Variants in CNTNAP2 observed in about 807,000 individuals in gnomAD.
The protein encoded by CNTNAP2 is contactin associated protein 2, also known as contactin-associated protein-like 2.
In CNTNAP2, 98 loss-of-function variants were observed where a neutral mutation model predicts 155.2. The observed-to-expected ratio is 0.63, with a 90% CI of 0.54 to 0.75. The LOEUF is 0.75. Among genes scored for constraint, CNTNAP2 ranks in the 30% least tolerant of loss-of-function variants. CNTNAP2 has a pLI of 0.00. For missense variants in CNTNAP2, 1,727 were observed against 1,688.1 expected (o/e 1.02, Z -0.40); for synonymous variants, 651 against 631.2 (o/e 1.03, Z -0.47).
At chr7:147,792,867 T>G (rs1420554488) in intron 13 of CNTNAP2, among the ~76,000 whole-genome samples, 1 of 152,176 alleles carries the variant, frequency 6.6e-6, no homozygotes, top group Non-Finnish European at 1.5e-5. Context: ...ACATATGTTA[T>G]TGTCCATCTT....
chr7:147,061,787 A>G (rs1799680046), intron 4 of CNTNAP2, among the ~76,000 whole-genome samples: 1 of 152,200 alleles, frequency 6.6e-6, no homozygotes, highest in African/African-American at 2.4e-5. Flanking sequence ...ACAAAAAAAC[A>G]CTAGCTGAAT....
chr7:147,318,242 GA>G (rs1480213982), intron 9 of CNTNAP2, among the ~76,000 whole-genome samples: 6 of 152,228 alleles, frequency 3.9e-5, no homozygotes, highest in African/African-American at 1.4e-4. Context: ...AGGAGTTCAT[GA>G]CCAGCCTGAG....
At chr7:146,863,207 A>G (rs951657436) in intron 3 of CNTNAP2, among the ~76,000 whole-genome samples, 5 of 152,316 alleles carry the variant, frequency 3.3e-5, no homozygotes, top group East Asian at 1.9e-4. Context: ...GTATCTCCCA[A>G]TAGTAGGCAT....
intron 12 of CNTNAP2, among the ~76,000 whole-genome samples, chr7:147,590,040 G>A (rs1312626073): frequency 6.6e-6 from 1 of 152,072 alleles, no homozygotes; most frequent in Admixed American, 6.5e-5. Flanking sequence ...GGTAAAAGTA[G>A]CCACAGGTAA....
chr7:147,198,646 A>G (rs1460674333), intron 8 of CNTNAP2, among the ~76,000 whole-genome samples: 1 of 152,146 alleles, frequency 6.6e-6, no homozygotes, highest in Non-Finnish European at 1.5e-5. Context: ...AACGAACTTT[A>G]AATTTACTTT....
At chr7:148,027,933 A>C (rs371438785) in intron 15 of CNTNAP2, among the ~76,000 whole-genome samples, 45 of 152,184 alleles carry the variant, frequency 3.0e-4, no homozygotes, top group African/African-American at 9.9e-4. Context: ...TAATTACAGA[A>C]GTCACCTTCC....
chr7:148,330,860 ATGGACGGATGGAGTGGC>A, intron 21 of CNTNAP2, among the ~76,000 whole-genome samples: 1 of 133,500 alleles, frequency 7.5e-6, no homozygotes, highest in Non-Finnish European at 1.6e-5. Flanking sequence ...GATGGAATGG[ATGGACGGATGGAGTGGC>A]TGGATGGAAT....
chr7:147,109,203 T>C (rs1800826340), intron 5 of CNTNAP2, among the ~76,000 whole-genome samples: 2 of 152,156 alleles, frequency 1.3e-5, no homozygotes, highest in Admixed American at 6.6e-5. Context: ...GGGTGAGAGA[T>C]AGTACTGCTT....
At chr7:146,148,290 A>G (rs964295796) in intron 1 of CNTNAP2, among the ~76,000 whole-genome samples, 1 of 152,114 alleles carries the variant, frequency 6.6e-6, no homozygotes, top group Non-Finnish European at 1.5e-5. Context: ...TTTGAAATAT[A>G]TAGAGTATTT....
At chr7:147,243,313 T>C (rs1410387825) in intron 8 of CNTNAP2, among the ~76,000 whole-genome samples, 8 of 152,074 alleles carry the variant, frequency 5.3e-5, no homozygotes, top group African/African-American at 1.4e-4. Context: ...CTTTTTTAAA[T>C]GTTGCAAATT....
At chr7:147,510,896 G>A (rs1239038837) in intron 11 of CNTNAP2, among the ~76,000 whole-genome samples, 2 of 86,736 alleles carry the variant, frequency 2.3e-5, no homozygotes, top group Non-Finnish European at 4.6e-5. Flanking sequence ...ATATATACAT[G>A]AGGAAGCTTT....
intron 15 of CNTNAP2, among the ~76,000 whole-genome samples, chr7:148,024,173 A>AAAAAAAAAAC (rs796940228): frequency 1.0e-3 from 151 of 147,942 alleles, no homozygotes; most frequent in South Asian, 1.7e-3. Flanking sequence ...AAAAAAAAAA[A>AAAAAAAAAAC]AAAAAACTTT....
intron 1 of CNTNAP2, among the ~76,000 whole-genome samples, chr7:146,139,386 A>G (rs1797844788): frequency 6.6e-6 from 1 of 152,130 alleles, no homozygotes; most frequent in Admixed American, 6.6e-5. Context: ...TCCCACCACA[A>G]AATGGCTTAA....
intron 18 of CNTNAP2, among the ~76,000 whole-genome samples, chr7:148,176,211 C>CTTTTTTTTT (rs1188113801): frequency 2.2e-5 from 2 of 92,792 alleles, no homozygotes; most frequent in African/African-American, 4.3e-5. Flanking sequence ...CTTTCTTTCT[C>CTTTTTTTTT]TTTTTTTTTT....
At chr7:148,207,242 G>A (rs73474225) in intron 18 of CNTNAP2, among the ~76,000 whole-genome samples, 2,840 of 152,346 alleles carry the variant, frequency 0.019, 103 homozygotes, top group African/African-American at 0.065. Flanking sequence ...GGCACTTGCG[G>A]AAGGAGATGG....
intron 1 of CNTNAP2, among the ~76,000 whole-genome samples, chr7:146,448,169 T>A (rs920616058): frequency 9.2e-5 from 14 of 152,042 alleles, no homozygotes; most frequent in African/African-American, 2.9e-4. Flanking sequence ...CTGTTAACTA[T>A]GACAAAACTA....
chr7:146,570,335 G>T (rs746035084), intron 1 of CNTNAP2, among the ~76,000 whole-genome samples: 3 of 152,006 alleles, frequency 2.0e-5, no homozygotes, highest in African/African-American at 4.8e-5. Flanking sequence ...ATTTTTGAAC[G>T]GTCTGTTTTG....
intron 1 of CNTNAP2, among the ~76,000 whole-genome samples, chr7:146,126,027 A>G (rs1797631124): frequency 6.6e-6 from 1 of 152,122 alleles, no homozygotes; most frequent in Non-Finnish European, 1.5e-5. Flanking sequence ...ACTACTCTTT[A>G]TGTGTACTAG....
At chr7:147,273,000 C>A (rs950032147) in intron 8 of CNTNAP2, among the ~76,000 whole-genome samples, 1 of 151,330 alleles carries the variant, frequency 6.6e-6, no homozygotes, top group Admixed American at 6.6e-5. Flanking sequence ...CTGTTTTTAG[C>A]TATTCTTCTT....
Sources: allele counts gnomAD v4.1 joint callset (sites outside exome capture counted in the v4.1 genomes callset), GRCh38; gene constraint gnomAD v4.1.1; transcripts MANE v1.5; gene names NCBI Gene and HGNC (gene_info 2026-07-23, HGNC 2026-07-21).